The following GABRB1 variants were observed in gnomAD, a reference collection of about 807,000 sequenced individuals.
GABRB1 encodes the protein gamma-aminobutyric acid type A receptor subunit beta1, also known as gamma-aminobutyric acid receptor subunit beta-1.
GABRB1 carries 17 observed loss-of-function variants against 51.6 expected under a neutral mutation model. That is an observed-to-expected ratio of 0.33 (90% CI 0.23 to 0.49). The LOEUF (loss-of-function observed/expected upper bound fraction) is 0.49. Among genes scored for constraint, GABRB1 ranks in the 20% least tolerant of loss-of-function variants. GABRB1 has a pLI of 0.99. For missense variants in GABRB1, 410 were observed against 600.6 expected, an observed-to-expected ratio of 0.68 and a Z score of 3.32; for synonymous variants, 247 against 218.9, an observed-to-expected ratio of 1.13 and a Z score of -1.14.
At chr4:47,203,946 G>A (rs1327256900) in intron 4 of GABRB1, among the ~76,000 whole-genome samples, 1 of 152,094 alleles carries the variant, frequency 6.6e-6, no homozygotes, top group Non-Finnish European at 1.5e-5. Context: ...AGATAGGTCT[G>A]AAGAATAAAA....
At chr4:47,212,105 C>T (rs944572100) in intron 4 of GABRB1, among the ~76,000 whole-genome samples, 1 of 151,844 alleles carries the variant, frequency 6.6e-6, no homozygotes, top group South Asian at 2.1e-4. Flanking sequence ...TATCAGAACC[C>T]GAAAAGAGCT....
At position 47,161,236 on chromosome 4, in the gene GABRB1, C is replaced by A; in HGVS notation, c.241-13C>A. 24 of 1,279,500 alleles carry A rather than the reference C, an allele frequency of 1.9e-5. No homozygotes were observed. The highest frequency in any genetic ancestry group is 5.0e-5 in the South Asian group (3 of 60,354). The allele number at this position is 1,279,500 out of a possible 1,614,324, so 79.3% of individuals were successfully genotyped here. A position where few individuals can be genotyped will look rare whatever the true frequency, so the allele number is the denominator to read the frequency against. On this transcript the variant is annotated splice_polypyrimidine_tract_variant and intron_variant, in intron 3 of 8. Transcript: ENST00000295454. ...AAAATTCTTTTTTTTTTTTTGCTTT[C>A]TTTATTTCACAGGATTATACACTCA...
At chr4:47,299,311 A>C (rs1009587686) in intron 4 of GABRB1, among the ~76,000 whole-genome samples, 69 of 152,226 alleles carry the variant, frequency 4.5e-4, no homozygotes, top group South Asian at 6.2e-4. Context: ...CAACCTACAA[A>C]ATGGGAGAAA....
chr4:47,043,331 G>T (rs1401008885), intron 3 of GABRB1: 1 of 151,958 alleles, frequency 6.6e-6, no homozygotes, highest in Admixed American at 6.6e-5. Flanking sequence ...TGGGTTATTT[G>T]TGTCTGCCTC....
At chr4:47,043,836 A>G (rs1381692800) in intron 3 of GABRB1, among the ~76,000 whole-genome samples, 1 of 152,120 alleles carries the variant, frequency 6.6e-6, no homozygotes, top group Non-Finnish European at 1.5e-5. Context: ...TGATTCCTGC[A>G]GAAATGTAGC....
chr4:47,275,602 G>A (rs1371919675), intron 4 of GABRB1, among the ~76,000 whole-genome samples: 1 of 152,030 alleles, frequency 6.6e-6, no homozygotes, highest in Non-Finnish European at 1.5e-5. Context: ...GTGGATGGGG[G>A]GAGGTCTAAG....
chr4:47,216,044 A>G (rs1290540253), intron 4 of GABRB1, among the ~76,000 whole-genome samples: 1 of 152,042 alleles, frequency 6.6e-6, no homozygotes, highest in Non-Finnish European at 1.5e-5. Context: ...ATTAATTACA[A>G]AGAATAATAG....
chr4:47,321,665 G>A (rs920787246), intron 5 of GABRB1, among the ~76,000 whole-genome samples: 5 of 152,210 alleles, frequency 3.3e-5, no homozygotes, highest in African/African-American at 9.6e-5. Flanking sequence ...ACATTAGTTC[G>A]ACAAGTAAAT....
chr4:47,199,255 T>C (rs1362404941), intron 4 of GABRB1, among the ~76,000 whole-genome samples: 3 of 152,170 alleles, frequency 2.0e-5, no homozygotes, highest in Non-Finnish European at 4.4e-5. Context: ...ATAAGTTAAA[T>C]TAGGAGATTA....
chr4:47,168,109 A>G (rs1718276989), intron 4 of GABRB1, among the ~76,000 whole-genome samples: 1 of 152,190 alleles, frequency 6.6e-6, no homozygotes. Context: ...AACTAATATT[A>G]GTGGCAATTG....
At chr4:47,026,876 G>T (rs1449798145), upstream of GABRB1, among the ~76,000 whole-genome samples, 2 of 151,864 alleles carry the variant, frequency 1.3e-5, no homozygotes, top group African/African-American at 4.8e-5. Flanking sequence ...TAACGTACTA[G>T]AAAAGAATGT....
At chr4:47,008,886 A>T (rs1262970674) in intron 1 of GABRB1, among the ~76,000 whole-genome samples, 2 of 17,912 alleles carry the variant, frequency 1.1e-4, no homozygotes, top group South Asian at 2.9e-3. Context: ...TTTTTTTGAG[A>T]CGAGTCTCGC....
At chr4:47,373,039 A>G (rs138693818) in intron 5 of GABRB1, among the ~76,000 whole-genome samples, 1 of 152,246 alleles carries the variant, frequency 6.6e-6, no homozygotes, top group East Asian at 1.9e-4. Flanking sequence ...ACAGACACAG[A>G]GACTTGTCAG....
chr4:47,061,495 T>C lies in GABRB1; in HGVS notation c.240+29011T>C, dbSNP rs1726842508. Among the ~76,000 whole-genome samples, 3 of 152,198 alleles carry C rather than the reference T, an allele frequency of 2.0e-5. No individual in the cohort carries two copies. In the South Asian group the frequency reaches 6.2e-4, roughly 32 times the overall value. ...TAAATTTAAATTTAAATTCAGAGAT[T>C]CTGAAGTATTTTGGCTTCCCTAGTA... On this transcript the variant is annotated intron_variant, in intron 3 of 8. Coordinates refer to ENST00000295454, the MANE Select transcript of GABRB1 (RefSeq NM_000812.4).
In GABRB1 at chr4:47,082,674, C is replaced by G. The variant is rs545656277; in HGVS notation, c.240+50190C>G. On this transcript the variant is annotated intron_variant, in intron 3 of 8. Coordinates refer to ENST00000295454, the MANE Select transcript of GABRB1 (RefSeq NM_000812.4). ...TTGGAATGTCACTAAAGTCTAAGAA[C>G]CTTAGTTTCTTACTTTAAAGTAGGG... 5.3e-5 allele frequency among the ~76,000 whole-genome samples: 8 copies of G among 152,168 alleles called. No homozygotes were observed. The East Asian group carries it at 1.2e-3, about 22-fold the overall frequency.
chr4:47,255,248 T>C (rs1000659960), intron 4 of GABRB1, among the ~76,000 whole-genome samples: 1 of 152,254 alleles, frequency 6.6e-6, no homozygotes, highest in African/African-American at 2.4e-5. Context: ...TTCACATCAT[T>C]AACTGTTATT....
chr4:47,125,746 G>T (rs1373428631), intron 3 of GABRB1, among the ~76,000 whole-genome samples: 1 of 146,634 alleles, frequency 6.8e-6, no homozygotes, highest in Non-Finnish European at 1.5e-5. Context: ...TAGTAGAGAC[G>T]GGGTTTCACC....
intron 4 of GABRB1, among the ~76,000 whole-genome samples, chr4:47,261,598 G>T (rs374851976): frequency 6.6e-6 from 1 of 151,734 alleles, no homozygotes; most frequent in Admixed American, 6.6e-5. Context: ...AATCAATATC[G>T]TGAAAATGGC....
intron 1 of GABRB1, among the ~76,000 whole-genome samples, chr4:47,026,225 T>C (rs1356608809): frequency 6.6e-6 from 1 of 152,146 alleles, no homozygotes; most frequent in East Asian, 1.9e-4. Flanking sequence ...GTGATTTGGG[T>C]GCCCTTGCCC....
Sources: gnomAD v4.1 joint callset for allele counts (sites outside exome capture counted in the v4.1 genomes callset) on GRCh38, gnomAD v4.1.1 for gene constraint, MANE v1.5 for transcripts, NCBI Gene and HGNC (gene_info 2026-07-23, HGNC 2026-07-21) for gene names.